ZNF385D: variants seen among roughly 807,000 people sequenced by gnomAD.
The protein encoded by ZNF385D is zinc finger protein 385D.
A neutral mutation model predicts 35.8 loss-of-function variants in ZNF385D; 15 were observed. The observed-to-expected ratio is 0.42, with a 90% CI of 0.28 to 0.64. The LOEUF (loss-of-function observed/expected upper bound fraction) is 0.64, where lower values mean the gene tolerates loss of function less well. ZNF385D is among the 30% of genes least tolerant of loss of function. The probability of loss-of-function intolerance (pLI) is 0.23; values close to 1 mark genes in which losing one functional copy is unlikely to be tolerated. For synonymous variants in ZNF385D, 212 were observed against 186.8 expected (o/e 1.13, Z -1.10); for missense variants, 474 against 494.6 (o/e 0.96, Z 0.39).
At chr3:22,155,978 G>A (rs1445009055) in intron 3 of ZNF385D, among the ~76,000 whole-genome samples, 1 of 152,024 alleles carries the variant, frequency 6.6e-6, no homozygotes, top group Admixed American at 6.6e-5. Flanking sequence ...TTTAGATGGA[G>A]GATGAAATGA....
At chr3:22,325,744 C>T (rs776466059) in intron 2 of ZNF385D, among the ~76,000 whole-genome samples, 8 of 151,954 alleles carry the variant, frequency 5.3e-5, no homozygotes, top group African/African-American at 1.5e-4. Flanking sequence ...GCCAACAGAG[C>T]GAGACTCTGT....
intron 3 of ZNF385D, among the ~76,000 whole-genome samples, chr3:22,041,650 T>C (rs1698669293): frequency 6.6e-6 from 1 of 152,142 alleles, no homozygotes; most frequent in African/African-American, 2.4e-5. Context: ...TCAATGTATA[T>C]TGTTTACAGC....
Position 21,924,223 on chromosome 3 carries a change from T to C in ZNF385D, c.325+244594A>G, listed in dbSNP as rs545732513. Among the ~76,000 whole-genome samples the C allele has an allele frequency of 7.9e-5, 12 of 152,064 alleles. No homozygotes were observed. The Admixed American group carries it at 8.0e-4, about 10-fold the overall frequency. On this transcript the variant is annotated intron_variant, in intron 3 of 5. Coordinates refer to the ZNF385D transcript ENST00000494108. ...TAAATTCTGAAAACCCTGGACATTA[T>C]ATATAATACAAACATAAAAACACTC...
intron 3 of ZNF385D, among the ~76,000 whole-genome samples, chr3:21,900,024 C>G (rs1699321095): frequency 6.6e-6 from 1 of 152,058 alleles, no homozygotes; most frequent in African/African-American, 2.4e-5. Context: ...CTTTTCAACC[C>G]TATGTTCAAA....
In ZNF385D at chr3:21,834,218, C is replaced by T. The variant is rs566816045; in HGVS notation, c.326-169190G>A. On this transcript the variant is annotated intron_variant, in intron 3 of 5. Transcript: ENST00000494108. Reference sequence around the variant, plus strand: ...CCTTCTCCTTCTTTTCTGAAGTATCCTAGTTATATTCAAATACCCACCCAG... The same window carrying T: ...CCTTCTCCTTCTTTTCTGAAGTATCTTAGTTATATTCAAATACCCACCCAG... Among the ~76,000 whole-genome samples the T allele has an allele frequency of 4.6e-5, 7 of 152,110 alleles. No individual in the cohort carries two copies. The East Asian group carries it at 1.4e-3, about 30-fold the overall frequency.
At chr3:21,451,767 C>G (rs949357452) in intron 4 of ZNF385D, among the ~76,000 whole-genome samples, 3 of 152,008 alleles carry the variant, frequency 2.0e-5, no homozygotes, top group Non-Finnish European at 4.4e-5. Flanking sequence ...CAGTATAGTA[C>G]TACGAGAAAA....
chr3:21,636,368 ATATATATGAT>A (rs1474184928), intron 2 of ZNF385D, among the ~76,000 whole-genome samples: 1 of 120,558 alleles, frequency 8.3e-6, no homozygotes, highest in African/African-American at 3.1e-5. Context: ...ATATGATTAT[ATATATATGAT>A]TATATATATA....
At chr3:22,177,722 A>G (rs890341451) in intron 2 of ZNF385D, among the ~76,000 whole-genome samples, 1 of 152,028 alleles carries the variant, frequency 6.6e-6, no homozygotes, top group African/African-American at 2.4e-5. Flanking sequence ...TCCAAATGCT[A>G]TCTCTCCCCT....
chr3:21,869,932 T>C (rs1697593472), intron 3 of ZNF385D, among the ~76,000 whole-genome samples: 1 of 152,080 alleles, frequency 6.6e-6, no homozygotes, highest in South Asian at 2.1e-4. Flanking sequence ...CTGGTAAGAT[T>C]AAAATTGATT....
At chr3:21,743,658 G>A (rs376200139) in intron 1 of ZNF385D, among the ~76,000 whole-genome samples, 6 of 152,134 alleles carry the variant, frequency 3.9e-5, no homozygotes, top group Middle Eastern at 3.2e-3. Context: ...CCCATCCTGA[G>A]GGTTCCACCC....
At chr3:22,026,510 G>A (rs1697561331) in intron 3 of ZNF385D, among the ~76,000 whole-genome samples, 1 of 152,146 alleles carries the variant, frequency 6.6e-6, no homozygotes, top group Non-Finnish European at 1.5e-5. Flanking sequence ...AGTTAAAGTA[G>A]GGACTTATGG....
At chr3:21,818,793 A>G (rs1272439995) in intron 3 of ZNF385D, among the ~76,000 whole-genome samples, 2 of 151,982 alleles carry the variant, frequency 1.3e-5, no homozygotes, top group African/African-American at 4.8e-5. Context: ...ATTTTTTAAT[A>G]TATTTTAAAT....
intron 1 of ZNF385D, among the ~76,000 whole-genome samples, chr3:21,669,025 G>A (rs2066485537): frequency 6.6e-6 from 1 of 152,118 alleles, no homozygotes; most frequent in African/African-American, 2.4e-5. Flanking sequence ...CCACATTTCT[G>A]GAAATATTAA....
At chr3:21,669,994 C>T (rs2066514484) in intron 1 of ZNF385D, among the ~76,000 whole-genome samples, 1 of 152,146 alleles carries the variant, frequency 6.6e-6, no homozygotes, top group Non-Finnish European at 1.5e-5. Context: ...AGACATCCTG[C>T]CTGACAACTT....
Position 22,109,733 on chromosome 3 carries a change from C to G in ZNF385D, c.325+59084G>C, listed in dbSNP as rs187694605. Among the ~76,000 whole-genome samples the G allele has an allele frequency of 2.2e-3, 330 of 152,160 alleles. 2 individuals are homozygous for G. Among genetic ancestry groups the G allele is most frequent in the South Asian group, 0.015 (70 of 4,820 alleles). ...TCAACTCTGGGCAAGGACTTCATGC[C>G]TAAAACACCAAAAGCAATGGCAAAG... On this transcript the variant is annotated intron_variant, in intron 3 of 5. Coordinates refer to the ZNF385D transcript ENST00000494108.
intron 2 of ZNF385D, among the ~76,000 whole-genome samples, chr3:22,292,241 A>T (rs1358553766): frequency 6.6e-6 from 1 of 152,096 alleles, no homozygotes; most frequent in East Asian, 1.9e-4. Context: ...TAGAAGGTCT[A>T]TCTTCTGAGC....
intron 3 of ZNF385D, among the ~76,000 whole-genome samples, chr3:22,024,033 T>A (rs1237357320): frequency 1.3e-5 from 2 of 152,104 alleles, no homozygotes; most frequent in Non-Finnish European, 1.5e-5. Context: ...TTTGAGTAAG[T>A]GGACTGGGAA....
intron 3 of ZNF385D, among the ~76,000 whole-genome samples, chr3:22,006,941 A>G (rs903173579): frequency 2.6e-5 from 4 of 151,488 alleles, no homozygotes; most frequent in Non-Finnish European, 1.5e-5. Context: ...GTTTGTGAGG[A>G]AAAAAAAAGT....
At chr3:22,077,460 C>A (rs1213662586) in intron 3 of ZNF385D, among the ~76,000 whole-genome samples, 2 of 152,012 alleles carry the variant, frequency 1.3e-5, no homozygotes, top group East Asian at 3.9e-4. Context: ...GTAATTTGGT[C>A]CAGTTCAGGC....
Sources: gnomAD v4.1 joint callset for allele counts (sites outside exome capture counted in the v4.1 genomes callset) on GRCh38, gnomAD v4.1.1 for gene constraint, MANE v1.5 for transcripts, NCBI Gene and HGNC (gene_info 2026-07-23, HGNC 2026-07-21) for gene names.